The following KDM5A variants were observed in gnomAD, a reference collection of about 807,000 sequenced individuals.
The protein encoded by KDM5A is lysine demethylase 5A, also known as lysine-specific demethylase 5A.
In KDM5A, 42 loss-of-function variants were observed where a neutral mutation model predicts 193.5. The observed-to-expected ratio is 0.22, with a 90% CI of 0.17 to 0.28. The LOEUF (loss-of-function observed/expected upper bound fraction) is 0.28, where lower values mean the gene tolerates loss of function less well. KDM5A is among the 10% of genes least tolerant of loss of function. KDM5A has a pLI of 1.00. For missense variants in KDM5A, 1,692 were observed against 2,055.1 expected, an observed-to-expected ratio of 0.82 and a Z score of 3.42; for synonymous variants, 796 against 718.1, an observed-to-expected ratio of 1.11 and a Z score of -1.73.
chr12:323,278 TAAAAATA>T (rs983470666), intron 15 of KDM5A, 72 bp from the exon 16 acceptor site: 95 of 1,363,068 alleles, frequency 7.0e-5, no homozygotes, highest in Non-Finnish European at 8.8e-5. Context: ...AACAATAACT[TAAAAATA>T]AAGTTTTAAA....
chr12:371,187 CCA>C (rs1489093576), intron 3 of KDM5A, among the ~76,000 whole-genome samples: 4 of 152,212 alleles, frequency 2.6e-5, no homozygotes, highest in African/African-American at 7.2e-5. Context: ...TGAGGAATCA[CCA>C]CACTGTTTTC....
chr12:317,894 A>C (rs571547371), intron 19 of KDM5A, among the ~76,000 whole-genome samples: 287 of 152,288 alleles, frequency 1.9e-3, no homozygotes, highest in Admixed American at 3.7e-3. Flanking sequence ...CAAAGCAGGG[A>C]GAGAGGAGAA....
At position 332,052 on chromosome 12, in the gene KDM5A, A is replaced by C. The variant is rs1423159842; in HGVS notation, c.1654-114T>G. 3 of 993,202 alleles carry C rather than the reference A, an allele frequency of 3.0e-6. No homozygotes were observed. In the African/African-American group the frequency reaches 4.8e-5, roughly 16 times the overall value. The allele number at this position is 993,202 out of a possible 1,614,324, so 61.5% of individuals were successfully genotyped here. Reference sequence around the variant, plus strand: ...CATTTTCTAAAACTGAAAACAATAAAGCATTAAGTTACACATATCAGAAAA... The same window carrying C: ...CATTTTCTAAAACTGAAAACAATAACGCATTAAGTTACACATATCAGAAAA... On this transcript the variant is annotated intron_variant, in intron 12 of 27. Transcript: ENST00000399788.
At chr12:383,972 T>C (rs769813381) in intron 3 of KDM5A, 59 bp downstream of exon 3, 39 of 1,558,028 alleles carry the variant, frequency 2.5e-5, no homozygotes, top group Non-Finnish European at 3.4e-5. Context: ...ACCAAATCTA[T>C]TTGATATTCC....
intron 14 of KDM5A, among the ~76,000 whole-genome samples, chr12:325,452 G>A (rs1159967636): frequency 2.6e-5 from 4 of 152,112 alleles, no homozygotes; most frequent in Non-Finnish European, 5.9e-5. Context: ...GGAGGCCGAG[G>A]TGGGTAGATC....
chr12:289,903 C>CTTTTTTTTTTTTTTTTTTTTTTTTT (rs1943269398), intron 27 of KDM5A, among the ~76,000 whole-genome samples: 1 of 106,740 alleles, frequency 9.4e-6, no homozygotes, highest in African/African-American at 4.0e-5. Flanking sequence ...TTTTTTCTTT[C>CTTTTTTTTTTTTTTTTTTTTTTTTT]TTTCTTTTTT....
rs575433565 is a variant in KDM5A at position 283,548 on chromosome 12, C to T, written c.*1908G>A. 3.1e-3 allele frequency: 704 copies of T among 230,712 alleles called. 3 individuals carry two copies. The highest frequency in any genetic ancestry group is 5.9e-3 in the Admixed American group (105 of 17,652). The allele number at this position is 230,712 out of a possible 1,614,324, so 14.3% of individuals were successfully genotyped here. A position where few individuals can be genotyped will look rare whatever the true frequency, so the allele number is the denominator to read the frequency against. On this transcript the variant is annotated 3_prime_UTR_variant, in exon 28 of 28. Transcript: ENST00000399788. ...GAAATTGGATTTTATAAGAAAACAT[C>T]TTTTTTTTTGTAAGATTCCTTTTGA...
At chr12:322,595 T>C (rs1394774521) in intron 16 of KDM5A, 28 bp from the exon 17 acceptor site, 3 of 1,595,984 alleles carry the variant, frequency 1.9e-6, no homozygotes, top group Non-Finnish European at 2.6e-6. Context: ...AAGAGCCATA[T>C]ACAATAACCA....
At chr12:327,314 C>CA (rs1261623485) in intron 14 of KDM5A, among the ~76,000 whole-genome samples, 1 of 152,086 alleles carries the variant, frequency 6.6e-6, no homozygotes. Context: ...CATGAGTCTC[C>CA]ACCAATGTAC....
intron 14 of KDM5A, among the ~76,000 whole-genome samples, chr12:327,480 T>G (rs1943805621): frequency 6.6e-6 from 1 of 151,558 alleles, no homozygotes; most frequent in South Asian, 2.1e-4. Flanking sequence ...GAGGCCAAGG[T>G]GGGTGGATCA....
In KDM5A at chr12:328,955, T is replaced by A. The variant is rs755422866; in HGVS notation, c.1848A>T (p.Leu616=). 43 of 1,614,248 alleles carry A rather than the reference T, an allele frequency of 2.7e-5. No homozygotes were observed. In the East Asian group the frequency reaches 8.0e-4, roughly 30 times the overall value. ...RRHCVFSHEE[L]IFKMAADPEC... is the part of the protein sequence containing the mutation. ...CTGGATCTGCTGCCATCTTGAAAAT[T>A]AGTTCCTCGTGTGAAAAGACACAGT... Residue 616 remains leucine, a synonymous_variant, in exon 14 of 28, where the codon CTA becomes CTT. Transcript: ENST00000399788.
intron 16 of KDM5A, 110 bp from the exon 17 acceptor site, chr12:322,677 A>C: frequency 2.3e-6 from 2 of 883,730 alleles, no homozygotes; most frequent in Non-Finnish European, 3.6e-6. Context: ...TTGTAGAAAT[A>C]TAATAATTAG....
At chr12:300,940 T>C (rs998245427) in intron 24 of KDM5A, among the ~76,000 whole-genome samples, 1 of 152,114 alleles carries the variant, frequency 6.6e-6, no homozygotes, top group African/African-American at 2.4e-5. Flanking sequence ...AAGAAATGGA[T>C]AAATTCCTGG....
At chr12:376,149 T>C (rs1944501285) in intron 3 of KDM5A, among the ~76,000 whole-genome samples, 1 of 152,232 alleles carries the variant, frequency 6.6e-6, no homozygotes, top group Non-Finnish European at 1.5e-5. Flanking sequence ...TTCTACTACC[T>C]TTTGTTTGGC....
intron 2 of KDM5A, among the ~76,000 whole-genome samples, chr12:384,510 G>C (rs778682427): frequency 6.6e-6 from 1 of 152,132 alleles, no homozygotes; most frequent in Non-Finnish European, 1.5e-5. Flanking sequence ...AAAGGTTTGG[G>C]ACAGCTGTAA....
chr12:293,495 T>C (rs971769676), intron 26 of KDM5A, among the ~76,000 whole-genome samples: 8 of 152,130 alleles, frequency 5.3e-5, no homozygotes, highest in African/African-American at 1.7e-4. Flanking sequence ...AAAAGATTTA[T>C]GGGCCAGGCA....
In KDM5A at chr12:292,864, C is replaced by T; in HGVS notation, c.4761G>A (p.Lys1587=). The change falls in exon 27 of 28, where the codon AAG becomes AAA. Residue 1587 remains lysine, a synonymous_variant. Coordinates refer to ENST00000399788, the MANE Select transcript of KDM5A (RefSeq NM_001042603.3). ...KESTEKKREK[K]VLDIPSKYDW... ...CATACTTTGAGGGGATGTCCAGCAC[C>T]TTTTTCTCTCTTTTCTTTTCAGTGC... 1 of 1,614,188 alleles carries T rather than the reference C, an allele frequency of 6.2e-7. No individual in the cohort carries two copies. The highest frequency in any genetic ancestry group is 8.5e-7 in the Non-Finnish European group (1 of 1,180,026).
chr12:355,021 G>T, intron 7 of KDM5A, 137 bp downstream of exon 7: 1 of 703,524 alleles, frequency 1.4e-6, no homozygotes, highest in East Asian at 2.7e-5. Flanking sequence ...AACAAAAGCT[G>T]TAACTTCACA....
At position 382,501 on chromosome 12, in the gene KDM5A, C is replaced by T. The variant is rs147254527; in HGVS notation, c.366+1530G>A. On this transcript the variant is annotated intron_variant, in intron 3 of 27. Coordinates refer to ENST00000399788, the MANE Select transcript of KDM5A (RefSeq NM_001042603.3). Reference sequence around the variant, plus strand: ...AAGTGAAATCTTCTAAAAGTAACTGCAATTTAAATAAGAATAAATTTTTAT... The same window carrying T: ...AAGTGAAATCTTCTAAAAGTAACTGTAATTTAAATAAGAATAAATTTTTAT... Among the ~76,000 whole-genome samples, 1,440 of 150,916 alleles carry T rather than the reference C, an allele frequency of 9.5e-3. 31 individuals carry two copies. The highest frequency in any genetic ancestry group is 0.033 in the African/African-American group (1,344 of 41,130).
Sources: allele counts gnomAD v4.1 joint callset (sites outside exome capture counted in the v4.1 genomes callset), GRCh38; gene constraint gnomAD v4.1.1; transcripts MANE v1.5; gene names NCBI Gene and HGNC (gene_info 2026-07-23, HGNC 2026-07-21).